Variants in RIN3 observed in about 807,000 individuals in gnomAD.
The protein encoded by RIN3 is Ras and Rab interactor 3, also known as RAB5 interacting protein 3.
In RIN3, 54 loss-of-function variants were observed where a neutral mutation model predicts 76.3. That is an observed-to-expected ratio of 0.71 (90% CI 0.57 to 0.89). The LOEUF is 0.89. RIN3 is among the 40% of genes least tolerant of loss of function. The pLI, the probability that RIN3 is intolerant of heterozygous loss-of-function variation, is 0.00. For synonymous variants in RIN3, 576 were observed against 564.0 expected, an observed-to-expected ratio of 1.02 and a Z score of -0.30; for missense variants, 1,256 against 1,322.1, an observed-to-expected ratio of 0.95 and a Z score of 0.78.
chr14:92,518,640 G>C (rs935820308), intron 1 of RIN3, among the ~76,000 whole-genome samples: 8 of 152,216 alleles, frequency 5.3e-5, no homozygotes, highest in Admixed American at 3.3e-4. Flanking sequence ...GAGAAAGGAT[G>C]GGGGAAGGAG....
At chr14:92,608,151 C>T (rs903344636) in intron 3 of RIN3, among the ~76,000 whole-genome samples, 5 of 152,180 alleles carry the variant, frequency 3.3e-5, no homozygotes, top group African/African-American at 1.2e-4. Flanking sequence ...AACACACACA[C>T]ACACAAATGA....
chr14:92,590,958 C>T (rs2140076642), intron 3 of RIN3, among the ~76,000 whole-genome samples: 1 of 152,250 alleles, frequency 6.6e-6, no homozygotes, highest in South Asian at 2.1e-4. Flanking sequence ...TATTAAAAGG[C>T]ATTAAACACT....
intron 4 of RIN3, among the ~76,000 whole-genome samples, chr14:92,624,512 C>A (rs925492532): frequency 4.6e-5 from 7 of 152,146 alleles, no homozygotes; most frequent in African/African-American, 1.7e-4. Flanking sequence ...TGAGGGGACC[C>A]AATCTTGACG....
intron 4 of RIN3, among the ~76,000 whole-genome samples, chr14:92,616,790 G>C (rs1480282998): frequency 6.6e-6 from 1 of 152,152 alleles, no homozygotes; most frequent in African/African-American, 2.4e-5. Flanking sequence ...AAATGAAATT[G>C]GTTAAAAGAT....
At chr14:92,571,656 G>T (rs1305253659) in intron 2 of RIN3, among the ~76,000 whole-genome samples, 1 of 152,196 alleles carries the variant, frequency 6.6e-6, no homozygotes, top group Non-Finnish European at 1.5e-5. Flanking sequence ...CCAGCCACAA[G>T]TGGGCTTCCC....
chr14:92,553,119 G>A (rs995719206), intron 1 of RIN3, among the ~76,000 whole-genome samples: 2 of 151,804 alleles, frequency 1.3e-5, no homozygotes, highest in Non-Finnish European at 2.9e-5. Flanking sequence ...AGTCCCCATT[G>A]CACAGATGAG....
At chr14:92,644,222 A>G (rs1887113980) in intron 5 of RIN3, among the ~76,000 whole-genome samples, 1 of 152,080 alleles carries the variant, frequency 6.6e-6, no homozygotes, top group Non-Finnish European at 1.5e-5. Context: ...CGAGCAGTCA[A>G]TGGCCAGTTT....
intron 8 of RIN3, among the ~76,000 whole-genome samples, chr14:92,676,866 A>C (rs935541097): frequency 1.3e-5 from 2 of 152,148 alleles, no homozygotes; most frequent in Non-Finnish European, 1.5e-5. Flanking sequence ...AAGGCATAGG[A>C]GCATGTTACC....
intron 1 of RIN3, among the ~76,000 whole-genome samples, chr14:92,549,065 A>T (rs1357448292): frequency 6.6e-6 from 1 of 152,026 alleles, no homozygotes; most frequent in Non-Finnish European, 1.5e-5. Flanking sequence ...CTTTGTCTGG[A>T]GGGACTGTGC....
chr14:92,536,842 T>C (rs8009910), intron 1 of RIN3, among the ~76,000 whole-genome samples: 45,678 of 136,348 alleles, frequency 0.34, 7,715 homozygotes, highest in Middle Eastern at 0.44. Flanking sequence ...TTTCTTCCTC[T>C]CTAAAATGGG....
chr14:92,627,658 T>A (rs1886404904), intron 4 of RIN3, among the ~76,000 whole-genome samples: 1 of 152,208 alleles, frequency 6.6e-6, no homozygotes, highest in Admixed American at 6.5e-5. Flanking sequence ...CTTCCAACGT[T>A]GCCGAGAGTC....
At chr14:92,576,776 C>G (rs943393661) in intron 2 of RIN3, among the ~76,000 whole-genome samples, 2 of 152,182 alleles carry the variant, frequency 1.3e-5, no homozygotes, top group Non-Finnish European at 1.5e-5. Context: ...GCAAGTTACT[C>G]TATGTGGAGT....
intron 3 of RIN3, among the ~76,000 whole-genome samples, chr14:92,600,253 A>G (rs1475995107): frequency 2.6e-5 from 4 of 152,222 alleles, no homozygotes; most frequent in Non-Finnish European, 5.9e-5. Flanking sequence ...ATTGAGAGGA[A>G]GCCTCACAGT....
At position 92,678,962 on chromosome 14, in the gene RIN3, C is replaced by A. The variant is rs75694601; in HGVS notation, c.2467+2356C>A. The stretch of plus-strand genomic sequence containing the variant: ...AAGGGCAGGGACATCCTTGGGCCAG[C>A]AGCCCTCTCCTATGGACTTGCGTCC... On this transcript the variant is annotated intron_variant, in intron 8 of 9. Coordinates refer to ENST00000216487, the MANE Select transcript of RIN3 (RefSeq NM_024832.5). 2.6e-5 allele frequency among the ~76,000 whole-genome samples: 4 copies of A among 152,206 alleles called. No individual in the cohort carries two copies. In the East Asian group the frequency reaches 5.8e-4, roughly 22 times the overall value.
At chr14:92,529,553 C>A (rs1168781016) in intron 1 of RIN3, among the ~76,000 whole-genome samples, 1 of 152,160 alleles carries the variant, frequency 6.6e-6, no homozygotes, top group Non-Finnish European at 1.5e-5. Context: ...CAGCCCAGAT[C>A]AACACTTTTG....
intron 4 of RIN3, chr14:92,615,729 C>T (rs532524806): frequency 6.4e-5 from 32 of 502,046 alleles, no homozygotes; most frequent in African/African-American, 5.8e-4. Flanking sequence ...CTCTCAGCTT[C>T]CTGTATCATC....
At chr14:92,631,275 T>C (rs1293377073) in intron 4 of RIN3, among the ~76,000 whole-genome samples, 1 of 152,162 alleles carries the variant, frequency 6.6e-6, no homozygotes, top group East Asian at 1.9e-4. Context: ...CATGACAGCA[T>C]GGCAGCCCCC....
At chr14:92,536,169 C>A (rs1896995461) in intron 1 of RIN3, among the ~76,000 whole-genome samples, 1 of 152,172 alleles carries the variant, frequency 6.6e-6, no homozygotes. Flanking sequence ...ACAACTAATA[C>A]CCCCTCTTCA....
At chr14:92,585,227 T>C (rs368567765) in intron 3 of RIN3, among the ~76,000 whole-genome samples, 1 of 152,114 alleles carries the variant, frequency 6.6e-6, no homozygotes, top group Non-Finnish European at 1.5e-5. Flanking sequence ...TCCGGGCTGG[T>C]CTCAAACTGG....
Sources: gnomAD v4.1 joint callset for allele counts (sites outside exome capture counted in the v4.1 genomes callset) on GRCh38, gnomAD v4.1.1 for gene constraint, MANE v1.5 for transcripts, NCBI Gene and HGNC (gene_info 2026-07-23, HGNC 2026-07-21) for gene names.